TVP23C: variants seen among roughly 807,000 people sequenced by gnomAD.
The protein encoded by TVP23C is Golgi apparatus membrane protein TVP23 homolog C.
Under a neutral mutation model 28.7 loss-of-function variants are expected in TVP23C, and 19 were observed. That is an observed-to-expected ratio of 0.66 (90% CI 0.46 to 0.97). TVP23C has a LOEUF of 0.97. Among genes scored for constraint, TVP23C ranks in the 50% least tolerant of loss-of-function variants. The pLI, the probability that TVP23C is intolerant of heterozygous loss-of-function variation, is 0.00. For missense variants in TVP23C, 186 were observed against 241.3 expected, an observed-to-expected ratio of 0.77 and a Z score of 1.52; for synonymous variants, 68 against 81.7, an observed-to-expected ratio of 0.83 and a Z score of 0.90.
chr17:15,558,212 C>T (rs1192777772), intron 1 of TVP23C, among the ~76,000 whole-genome samples: 1 of 146,240 alleles, frequency 6.8e-6, no homozygotes, highest in Non-Finnish European at 1.5e-5. Context: ...ACAGTCTAAT[C>T]GCCATCCAGC....
chr17:15,525,024 G>A (rs1436942029), intron 5 of TVP23C, among the ~76,000 whole-genome samples: 1 of 152,252 alleles, frequency 6.6e-6, no homozygotes, highest in Admixed American at 6.5e-5. Context: ...CAGGAATGAG[G>A]TGTCTCTGTC....
At chr17:15,534,758 C>A (rs563424749), downstream of TVP23C, among the ~76,000 whole-genome samples, 19 of 151,444 alleles carry the variant, frequency 1.3e-4, no homozygotes, top group East Asian at 3.7e-3. Flanking sequence ...CACCTGAGGT[C>A]GGGAGTTCAA....
chr17:15,534,928 A>G (rs1983096382), downstream of TVP23C, among the ~76,000 whole-genome samples: 1 of 151,774 alleles, frequency 6.6e-6, no homozygotes, highest in African/African-American at 2.4e-5. Flanking sequence ...AGATTATGGC[A>G]CTGCACTCCA....
chr17:15,507,217 C>T (rs1181886063), intron 5 of TVP23C: 10 of 730,104 alleles, frequency 1.4e-5, no homozygotes, highest in East Asian at 1.3e-4. Flanking sequence ...GCCAAGACAG[C>T]GTGGTTGAAT....
At chr17:15,532,041 G>A (rs1982969339), downstream of TVP23C, among the ~76,000 whole-genome samples, 1 of 151,970 alleles carries the variant, frequency 6.6e-6, no homozygotes, top group African/African-American at 2.4e-5. Context: ...CTTTAGTCTT[G>A]AGCATATGAT....
chr17:15,532,999 A>G (rs1442393938), downstream of TVP23C, among the ~76,000 whole-genome samples: 1 of 152,230 alleles, frequency 6.6e-6, no homozygotes, highest in Non-Finnish European at 1.5e-5. Flanking sequence ...TCAAGTTCGT[A>G]TCTATACACT....
rs554011649 is a variant in TVP23C, at chr17:15,538,624, G to A, written c.*1788C>T. ...TAAATAAATAAAAAAGTAGACATGC[G>A]CTAATGAAGTAAATCCATGGATACC... is the stretch of plus-strand genomic sequence containing the variant. On this transcript the variant is annotated 3_prime_UTR_variant, in exon 6 of 6. Coordinates refer to ENST00000518321, the MANE Select transcript of TVP23C (RefSeq NM_001135036.2). 5.0e-5 allele frequency: 49 copies of A among 985,102 alleles called. No homozygotes were observed. The South Asian group carries it at 5.6e-4, about 11-fold the overall frequency. 61.0% of individuals were successfully genotyped at this position (985,102 alleles called of 1,614,324 possible).
rs1186219256 is a variant in TVP23C, at chr17:15,537,920, G to A, written c.*2492C>T. On this transcript the variant is annotated 3_prime_UTR_variant, in exon 6 of 6. Transcript: ENST00000518321. ...AGAACAAATCTTAACAATGTTTCTAGTGCCAACATATACTTTCTAGCCCCA... is the reference window on the plus strand; with the variant it reads ...AGAACAAATCTTAACAATGTTTCTAATGCCAACATATACTTTCTAGCCCCA... The A allele has an allele frequency of 7.0e-7, 1 of 1,437,744 alleles. No individual in the cohort carries two copies. Among genetic ancestry groups the A allele is most frequent in the African/African-American group, 1.4e-5 (1 of 69,666 alleles). 89.1% of individuals were successfully genotyped at this position (1,437,744 alleles called of 1,614,324 possible). A position where few individuals can be genotyped will look rare whatever the true frequency, so the allele number is the denominator to read the frequency against.
At chr17:15,519,118 G>A (rs13341894) in intron 5 of TVP23C, among the ~76,000 whole-genome samples, 4,135 of 152,024 alleles carry the variant, frequency 0.027, 184 homozygotes, top group African/African-American at 0.093. Flanking sequence ...CCACTACACC[G>A]CTTCTTTTTA....
intron 2 of TVP23C, 108 bp downstream of exon 2, chr17:15,555,174 T>C: frequency 1.4e-6 from 2 of 1,433,086 alleles, no homozygotes; most frequent in East Asian, 2.3e-5. Context: ...ACATGCAGTA[T>C]TCACAAGCAC....
intron 5 of TVP23C, among the ~76,000 whole-genome samples, chr17:15,529,697 A>G (rs1221178237): frequency 1.3e-5 from 2 of 152,150 alleles, no homozygotes; most frequent in Non-Finnish European, 2.9e-5. Context: ...CTTGCATGGT[A>G]TATCTGTTTC....
At chr17:15,511,985 A>G (rs1187926997) in intron 5 of TVP23C, among the ~76,000 whole-genome samples, 1 of 152,202 alleles carries the variant, frequency 6.6e-6, no homozygotes, top group East Asian at 1.9e-4. Context: ...CTCAAAAATC[A>G]CCTGGACAAC....
At chr17:15,502,925 G>A (rs1242497063) in exon 6 of TVP23C, 18 of 1,612,890 alleles carry the variant, frequency 1.1e-5, no homozygotes, top group Admixed American at 3.3e-5. Context: ...TCTGCTATTG[G>A]GACTCTCCCC....
chr17:15,548,079 G>A (rs1983721949), intron 3 of TVP23C, among the ~76,000 whole-genome samples: 1 of 152,034 alleles, frequency 6.6e-6, no homozygotes, highest in Non-Finnish European at 1.5e-5. Context: ...AAAACACCCT[G>A]ACACAATAGA....
chr17:15,507,573 T>G (rs543835639), intron 5 of TVP23C, among the ~76,000 whole-genome samples: 1 of 152,198 alleles, frequency 6.6e-6, no homozygotes, highest in East Asian at 1.9e-4. Flanking sequence ...GCGCGGTGGC[T>G]CACGCCTGTA....
At chr17:15,523,649 T>A (rs564926317) in intron 5 of TVP23C, among the ~76,000 whole-genome samples, 62 of 150,532 alleles carry the variant, frequency 4.1e-4, no homozygotes, top group African/African-American at 1.5e-3. Context: ...AGTCTCACTC[T>A]GTCACCCAGG....
At chr17:15,519,046 T>C (rs1387376185) in intron 5 of TVP23C, among the ~76,000 whole-genome samples, 1 of 152,126 alleles carries the variant, frequency 6.6e-6, no homozygotes, top group Non-Finnish European at 1.5e-5. Flanking sequence ...GTGCCTTGCT[T>C]TCCCTTCACC....
intron 5 of TVP23C, among the ~76,000 whole-genome samples, chr17:15,508,005 T>C (rs1333731135): frequency 1.3e-5 from 2 of 152,148 alleles, no homozygotes; most frequent in African/African-American, 2.4e-5. Context: ...GACTGCCATA[T>C]TGTAATGTTT....
intron 5 of TVP23C, among the ~76,000 whole-genome samples, chr17:15,515,584 C>T (rs572697234): frequency 1.4e-4 from 21 of 152,222 alleles, no homozygotes; most frequent in East Asian, 5.8e-4. Context: ...AGTGCAAATA[C>T]GGGTATCGTT....
Sources: allele counts gnomAD v4.1 joint callset (sites outside exome capture counted in the v4.1 genomes callset), GRCh38; gene constraint gnomAD v4.1.1; transcripts MANE v1.5; gene names NCBI Gene and HGNC (gene_info 2026-07-23, HGNC 2026-07-21).